MYO18B: variants seen among roughly 807,000 people sequenced by gnomAD.
The protein encoded by MYO18B is unconventional myosin-XVIIIb.
In MYO18B, 204 loss-of-function variants were observed where a neutral mutation model predicts 273.0. The observed-to-expected ratio is 0.75, with a 90% CI of 0.67 to 0.84. The LOEUF is 0.84. Ranked by LOEUF, MYO18B falls within the 40% of genes least tolerant of loss-of-function variation. The pLI, the probability that MYO18B is intolerant of heterozygous loss-of-function variation, is 0.00. For missense variants in MYO18B, 3,212 were observed against 3,287.6 expected, an observed-to-expected ratio of 0.98 and a Z score of 0.56; for synonymous variants, 1,330 against 1,305.7, an observed-to-expected ratio of 1.02 and a Z score of -0.40.
In MYO18B at chr22:25,826,428, G is replaced by A. The variant is rs757963685; in HGVS notation, c.2715G>A (p.Val905=). ...TCCCAGGGCTCAAGATGACAGGAGT[G>A]GACTGTGTGGAGGGGATGGCCTCGG... is the stretch of plus-strand genomic sequence containing the variant. ...ETSSGLKMTG[V]DCVEGMASGL... The change falls in exon 14 of 44, where the codon GTG becomes GTA. Residue 905 remains valine, a synonymous_variant. Transcript: ENST00000335473. The A allele has an allele frequency of 6.2e-7, 1 of 1,613,572 alleles. No homozygotes were observed. Among genetic ancestry groups the A allele is most frequent in the South Asian group, 1.1e-5 (1 of 91,014 alleles).
Position 25,817,200 on chromosome 22 carries a change from TTTTCTTTC to T in MYO18B, c.2522-6288_2522-6281del, listed in dbSNP as rs150447515. 5.5e-3 allele frequency among the ~76,000 whole-genome samples: 833 copies of T among 151,654 alleles called. 4 individuals carry two copies. Among genetic ancestry groups the T allele is most frequent in the African/African-American group, 0.011 (473 of 41,350 alleles). ...TGTTCCTTTTCCTCCCTTCCTCCCT[TTTTCTTTC>T]TTTCTTTCTTTCTTTCGTTCTTTCT... On this transcript the variant is annotated intron_variant, in intron 12 of 43. Coordinates refer to ENST00000335473, the MANE Select transcript of MYO18B (RefSeq NM_032608.7).
Position 26,027,262 on chromosome 22 carries a change from A to C in MYO18B, c.7288A>C (p.Ser2430Arg). 2 of 1,614,010 alleles carry C rather than the reference A, an allele frequency of 1.2e-6. No homozygotes were observed. The highest frequency in any genetic ancestry group is 8.5e-7 in the Non-Finnish European group (1 of 1,179,888). The change falls in exon 43 of 44, where the codon AGC (serine) becomes CGC (arginine). Residue 2430 changes from serine (S) to arginine (R), a missense_variant. Coordinates refer to ENST00000335473, the MANE Select transcript of MYO18B (RefSeq NM_032608.7). The surrounding 1 kb of genome is among the most constrained non-coding windows in gnomAD (Gnocchi z 4.1). ...TGACCCATTCAGCTGGAAACTCCCAAGCCTCGACTACGAACGCAAGACCAA... is the reference window on the plus strand; with the variant it reads ...TGACCCATTCAGCTGGAAACTCCCACGCCTCGACTACGAACGCAAGACCAA... The part of the protein sequence containing the change: ...GSDPFSWKLP[S>R]LDYERKTKVD...
chr22:25,839,094 ACGTGTGTG>A (rs1433039198), intron 17 of MYO18B, among the ~76,000 whole-genome samples: 7 of 149,382 alleles, frequency 4.7e-5, no homozygotes, highest in Non-Finnish European at 1.0e-4. Context: ...TAGTGTGTAT[ACGTGTGTG>A]CGTGTGTGTA....
At chr22:26,028,879 C>T (rs1936493141) in intron 43 of MYO18B, among the ~76,000 whole-genome samples, 1 of 132,578 alleles carries the variant, frequency 7.5e-6, no homozygotes, top group African/African-American at 3.1e-5. Context: ...CAGAGCGAGA[C>T]TCCGTCTCAA....
rs1425961734 is a variant in MYO18B, at chr22:25,944,801, C to T, written c.5518-1336C>T. 3.4e-5 allele frequency among the ~76,000 whole-genome samples: 5 copies of T among 145,186 alleles called. No homozygotes were observed. The East Asian group carries it at 8.2e-4, about 24-fold the overall frequency. On this transcript the variant is annotated intron_variant, in intron 34 of 43. Coordinates refer to ENST00000335473, the MANE Select transcript of MYO18B (RefSeq NM_032608.7). ...GGTGGAGGTCGCAGTGAGCTGAGAT[C>T]GTGGCACTGCACTCCATCGTGGGCG...
At chr22:26,031,150 G>A, downstream of MYO18B, 1 of 388,088 alleles carries the variant, frequency 2.6e-6, no homozygotes, top group Non-Finnish European at 4.6e-6. Context: ...GCTAGCATAT[G>A]TGTGCCCACA....
chr22:25,765,115 TG>T (rs913797153), intron 3 of MYO18B, among the ~76,000 whole-genome samples: 46 of 152,104 alleles, frequency 3.0e-4, no homozygotes, highest in African/African-American at 1.1e-3. Flanking sequence ...AAGCCATGGA[TG>T]GGGACAAACT....
intron 34 of MYO18B, among the ~76,000 whole-genome samples, chr22:25,930,478 C>T (rs2092482576): frequency 6.6e-6 from 1 of 151,576 alleles, no homozygotes; most frequent in African/African-American, 2.4e-5. Context: ...TCCTGTTGGT[C>T]CTCTGCTGTC....
intron 29 of MYO18B, among the ~76,000 whole-genome samples, chr22:25,901,786 T>C (rs1034681503): frequency 6.7e-6 from 1 of 150,168 alleles, no homozygotes; most frequent in South Asian, 2.1e-4. Flanking sequence ...GCAGACCAGA[T>C]AGATCAGGTT....
intron 1 of MYO18B, among the ~76,000 whole-genome samples, chr22:25,751,526 G>A (rs980039933): frequency 1.3e-5 from 2 of 152,230 alleles, no homozygotes; most frequent in African/African-American, 2.4e-5. Context: ...CATCACTGAT[G>A]TGGAGCTTTG....
At chr22:25,878,589 A>T (rs1022535469) in intron 25 of MYO18B, among the ~76,000 whole-genome samples, 6 of 152,236 alleles carry the variant, frequency 3.9e-5, no homozygotes, top group Admixed American at 2.6e-4. Flanking sequence ...TTGTTTCAAG[A>T]GTTTAAGTGT....
intron 40 of MYO18B, among the ~76,000 whole-genome samples, chr22:25,996,385 A>G (rs1302907819): frequency 1.3e-5 from 2 of 152,306 alleles, no homozygotes; most frequent in South Asian, 2.1e-4. Flanking sequence ...GCTTCTTGTT[A>G]TCGTTATTCT....
intron 22 of MYO18B, 110 bp downstream of exon 22, chr22:25,868,495 C>G: frequency 1.1e-6 from 1 of 909,200 alleles, no homozygotes; most frequent in Admixed American, 2.5e-5. Flanking sequence ...TCTCCTTTTT[C>G]CCAAACTGAA....
chr22:25,787,873 T>G (rs1325488432), intron 11 of MYO18B, among the ~76,000 whole-genome samples: 1 of 152,126 alleles, frequency 6.6e-6, no homozygotes, highest in East Asian at 1.9e-4. Context: ...CAGCACTGAT[T>G]TTTCTCATTC....
intron 1 of MYO18B, among the ~76,000 whole-genome samples, chr22:25,753,426 A>G (rs886903387): frequency 1.3e-5 from 2 of 152,138 alleles, no homozygotes; most frequent in Non-Finnish European, 2.9e-5. Flanking sequence ...AAACGGACCA[A>G]TCAGCTCTCT....
chr22:25,845,301 G>C (rs1005013385), intron 18 of MYO18B, among the ~76,000 whole-genome samples: 5 of 152,180 alleles, frequency 3.3e-5, no homozygotes, highest in Non-Finnish European at 7.3e-5. Context: ...GGCAGATCAC[G>C]AGGTCAAGAG....
intron 34 of MYO18B, among the ~76,000 whole-genome samples, chr22:25,931,681 C>CTTTTTTTTTTTTTTTTT (rs71311530): frequency 7.5e-4 from 92 of 123,474 alleles, no homozygotes; most frequent in Non-Finnish European, 9.2e-4. Context: ...TTTCTTTTTT[C>CTTTTTTTTTTTTTTTTT]TTTTTTTTTT....
chr22:26,024,733 G>T (rs1936112189), intron 42 of MYO18B, among the ~76,000 whole-genome samples: 1 of 152,224 alleles, frequency 6.6e-6, no homozygotes, highest in Non-Finnish European at 1.5e-5. Flanking sequence ...GCTCCTGCCA[G>T]ACCTGGAGGA....
chr22:25,744,594 C>T (rs1029357442), intron 1 of MYO18B, among the ~76,000 whole-genome samples: 3 of 151,956 alleles, frequency 2.0e-5, no homozygotes, highest in Non-Finnish European at 2.9e-5. Context: ...ATTAGCCGGG[C>T]GTGGTGGTGG....
Sources: allele counts gnomAD v4.1 joint callset (sites outside exome capture counted in the v4.1 genomes callset), GRCh38; gene constraint gnomAD v4.1.1; non-coding constraint Gnocchi (gnomAD v3.1); transcripts MANE v1.5; gene names NCBI Gene and HGNC (gene_info 2026-07-23, HGNC 2026-07-21).